Variants in EDEM3 observed in about 807,000 individuals in gnomAD.
EDEM3 encodes ER degradation-enhancing alpha-mannosidase-like protein 3.
EDEM3 carries 60 observed loss-of-function variants against 110.2 expected under a neutral mutation model. That is an observed-to-expected ratio of 0.54 (90% CI 0.44 to 0.67). The LOEUF is 0.67. EDEM3 is among the 30% of genes least tolerant of loss of function. EDEM3 has a pLI of 0.00. For synonymous variants in EDEM3, 352 were observed against 382.9 expected (o/e 0.92, Z 0.94); for missense variants, 996 against 1,121.0 (o/e 0.89, Z 1.59).
chr1:184,711,870 T>G lies in EDEM3; in HGVS notation c.1544A>C (p.Glu515Ala). ...GTTACTGTCATCCAGTTCTGTATATTCCGAGGTCTACAAGAGAAAAACATT... is the reference window on the plus strand; with the variant it reads ...GTTACTGTCATCCAGTTCTGTATATGCCGAGGTCTACAAGAGAAAAACATT... ...QSISKKNTTS[E>A]YTELDDSNFD... The change falls in exon 15 of 20, where the codon GAA (glutamate) becomes GCA (alanine). Residue 515 changes from glutamate to alanine, a missense_variant. Transcript: ENST00000318130. 6.2e-7 allele frequency: 1 copy of G among 1,600,934 alleles called. No individual in the cohort carries two copies. Among genetic ancestry groups the G allele is most frequent in the Admixed American group, 1.8e-5 (1 of 56,794 alleles).
intron 13 of EDEM3, among the ~76,000 whole-genome samples, chr1:184,713,298 G>C (rs1045935684): frequency 1.4e-4 from 21 of 151,848 alleles, no homozygotes; most frequent in African/African-American, 5.1e-4. Context: ...CATGAAAAAA[G>C]TACAATGCAA....
chr1:184,699,125 T>C (rs56335635), intron 19 of EDEM3, among the ~76,000 whole-genome samples: 17,791 of 151,738 alleles, frequency 0.12, 2,320 homozygotes, highest in African/African-American at 0.32. Flanking sequence ...TATGTTTTAA[T>C]AATAAAAGAG....
intron 18 of EDEM3, among the ~76,000 whole-genome samples, chr1:184,703,245 C>A (rs1649728939): frequency 6.6e-6 from 1 of 151,998 alleles, no homozygotes; most frequent in Non-Finnish European, 1.5e-5. Flanking sequence ...AACTGTACAC[C>A]ATTATAAGTA....
At position 184,720,509 on chromosome 1, in the gene EDEM3, C is replaced by CTTTTTTTTTTTTTTTTTTT. The variant is rs34268021; in HGVS notation, c.951+779_951+780insAAAAAAAAAAAAAAAAAAA. 161 of 127,398 alleles carry CTTTTTTTTTTTTTTTTTTT rather than the reference C, an allele frequency of 1.3e-3. 11 individuals carry two copies. Among genetic ancestry groups the CTTTTTTTTTTTTTTTTTTT allele is most frequent in the African/African-American group, 4.6e-3 (146 of 31,686 alleles). 7.9% of individuals were successfully genotyped at this position (127,398 alleles called of 1,614,324 possible). A position where few individuals can be genotyped will look rare whatever the true frequency, so the allele number is the denominator to read the frequency against. On this transcript the variant is annotated intron_variant, in intron 9 of 19. Transcript: ENST00000318130. ...AATTTAAACCAGTACATCTCCCATACTTTTTTTTTTTTTTTTTTGAGACGG... is the reference window on the plus strand; with the variant it reads ...AATTTAAACCAGTACATCTCCCATACTTTTTTTTTTTTTTTTTTTTTTTTTTTTTTTTTTTTTGAGACGG...
At chr1:184,695,819 A>G (rs1053832681) in intron 19 of EDEM3, among the ~76,000 whole-genome samples, 1 of 151,998 alleles carries the variant, frequency 6.6e-6, no homozygotes, top group African/African-American at 2.4e-5. Context: ...GGATTTATTT[A>G]AAAACCAGAA....
chr1:184,729,495 TA>T (rs534616725), intron 6 of EDEM3, among the ~76,000 whole-genome samples: 52 of 152,340 alleles, frequency 3.4e-4, no homozygotes, highest in Non-Finnish European at 6.5e-4. Flanking sequence ...GAAATGGCAT[TA>T]CAAAGTACGT....
At chr1:184,737,209 G>A (rs149682397) in intron 3 of EDEM3, 145 bp from the exon 4 acceptor site, 7 of 668,080 alleles carry the variant, frequency 1.0e-5, no homozygotes, top group African/African-American at 3.6e-5. Flanking sequence ...AAACCTATAA[G>A]GCTCTGAAAG....
Position 184,708,294 on chromosome 1 carries a change from C to A in EDEM3, c.1896G>T (p.Met632Ile). ...AEDGLRFMQE[M>I]IELSSQQQKE... is the part of the protein sequence containing the mutation. Reference sequence around the variant, plus strand: ...TTTGTTGCTGACTTGACAATTCAATCATCTCCTGCATGAACCTCAACCCAT... The same window carrying A: ...TTTGTTGCTGACTTGACAATTCAATAATCTCCTGCATGAACCTCAACCCAT... Residue 632 changes from methionine to isoleucine, a missense_variant, in exon 17 of 20, where the codon ATG becomes ATT. Met to Ile is a conservative substitution (Grantham distance 10). This residue lies in a region of EDEM3 where 345 missense variants were observed against 402.0 expected (regional missense o/e 0.86). Transcript: ENST00000318130. 6.2e-7 allele frequency: 1 copy of A among 1,613,384 alleles called. No homozygotes were observed. Among genetic ancestry groups the A allele is most frequent in the Non-Finnish European group, 8.5e-7 (1 of 1,179,808 alleles).
intron 19 of EDEM3, among the ~76,000 whole-genome samples, chr1:184,699,885 T>C (rs1384570940): frequency 3.3e-5 from 5 of 151,784 alleles, no homozygotes; most frequent in African/African-American, 7.2e-5. Context: ...ACAAATACTA[T>C]TGAAAAAAGG....
intron 1 of EDEM3, among the ~76,000 whole-genome samples, chr1:184,750,795 G>A (rs968962887): frequency 6.6e-6 from 1 of 152,114 alleles, no homozygotes; most frequent in Non-Finnish European, 1.5e-5. Context: ...TTACAGGTGT[G>A]AGTTACCACG....
intron 17 of EDEM3, among the ~76,000 whole-genome samples, chr1:184,707,886 C>A (rs898720603): frequency 1.3e-5 from 2 of 152,022 alleles, no homozygotes; most frequent in African/African-American, 2.4e-5. Context: ...ATTTTTAGAT[C>A]AATTACAGGT....
Position 184,702,987 on chromosome 1 carries a change from T to A in EDEM3, c.2213A>T (p.Glu738Val). 1 of 1,598,488 alleles carries A rather than the reference T, an allele frequency of 6.3e-7. No homozygotes were observed. The highest frequency in any genetic ancestry group is 8.5e-7 in the Non-Finnish European group (1 of 1,173,980). The change falls in exon 19 of 20, where the codon GAG becomes GTG. Residue 738 changes from glutamate (E) to valine (V), a missense_variant. By Grantham distance (121) the Glu-to-Val change is moderately radical. Around this residue, in one of 5 missense-constraint regions of EDEM3, gnomAD observed 345 missense variants for 402.0 expected, o/e 0.86. Transcript: ENST00000318130. ...AIGGIVIDDN[E>V]GSSSDTAPLF... ...AGGGGCAGTATCACTGCTGCTCCCC[T>A]CATTGTCATCTAGCCAGAAAATAAA...
In EDEM3 at chr1:184,721,302, T is replaced by C; in HGVS notation, c.938A>G (p.Glu313Gly). Residue 313 changes from glutamate (E) to glycine (G), a missense_variant, in exon 9 of 20, where the codon GAA becomes GGA. Coordinates refer to ENST00000318130, the MANE Select transcript of EDEM3 (RefSeq NM_025191.4). Reference protein sequence around the residue: ...YVLLGDDSFLERFNTHYDAIM... With the variant: ...YVLLGDDSFLGRFNTHYDAIM... ...GTATCAACTTACTGTGTTAAATCTT[T>C]CCAGAAAACTGTCATCTCCAAGCAA... 1 of 1,601,364 alleles carries C rather than the reference T, an allele frequency of 6.2e-7. No homozygotes were observed. The highest frequency in any genetic ancestry group is 8.5e-7 in the Non-Finnish European group (1 of 1,175,536).
At chr1:184,732,545 A>T (rs1341858660) in intron 6 of EDEM3, among the ~76,000 whole-genome samples, 1 of 152,224 alleles carries the variant, frequency 6.6e-6, no homozygotes, top group Non-Finnish European at 1.5e-5. Context: ...TGTGATTATT[A>T]TGCATTGTAT....
At chr1:184,721,732 C>T (rs934462352) in intron 8 of EDEM3, among the ~76,000 whole-genome samples, 15 of 151,166 alleles carry the variant, frequency 9.9e-5, no homozygotes, top group Admixed American at 4.6e-4. Context: ...GAACCAAAGT[C>T]AAGAAAAATT....
chr1:184,745,215 G>A (rs1571421184), intron 2 of EDEM3, among the ~76,000 whole-genome samples: 1 of 152,102 alleles, frequency 6.6e-6, no homozygotes, highest in Admixed American at 6.6e-5. Context: ...AATGTTTTGA[G>A]AGGATACTAT....
rs536031244 is a variant in EDEM3, at chr1:184,692,123, C to T, written c.*1940G>A. ...AATCGATGTCTTAGAGGAACATCTG[C>T]TCATTTTCTCCAAGCCCCAGTCCTA... On this transcript the variant is annotated 3_prime_UTR_variant, in exon 20 of 20. Transcript: ENST00000318130. The T allele has an allele frequency of 3.0e-4, 46 of 152,190 alleles. No homozygotes were observed. The South Asian group carries it at 9.3e-3, about 31-fold the overall frequency. 9.4% of individuals were successfully genotyped at this position (152,190 alleles called of 1,614,324 possible).
chr1:184,696,458 C>T (rs1420764795), intron 19 of EDEM3, among the ~76,000 whole-genome samples: 1 of 151,562 alleles, frequency 6.6e-6, no homozygotes, highest in Non-Finnish European at 1.5e-5. Context: ...CCCGGGGTGT[C>T]CGCTGTAACC....
intron 12 of EDEM3, 137 bp from the exon 13 acceptor site, chr1:184,717,149 G>C: frequency 1.6e-6 from 1 of 607,356 alleles, no homozygotes. Context: ...ATATAGAACT[G>C]AGTTCTGAAA....
Sources: gnomAD v4.1 joint callset for allele counts (sites outside exome capture counted in the v4.1 genomes callset) on GRCh38, gnomAD v4.1.1 for gene constraint, gnomAD v4.1.1 regional missense constraint, MANE v1.5 for transcripts, NCBI Gene and HGNC (gene_info 2026-07-23, HGNC 2026-07-21) for gene names.